Variants in DCDC2 observed in about 807,000 individuals in gnomAD.
DCDC2 encodes doublecortin domain containing 2.
Under a neutral mutation model 50.2 loss-of-function variants are expected in DCDC2, and 40 were observed. The ratio of observed to expected loss-of-function variants is 0.80; its 90% CI spans 0.62 to 1.04. The LOEUF (loss-of-function observed/expected upper bound fraction) is 1.04, where lower values mean the gene tolerates loss of function less well. Among genes scored for constraint, DCDC2 ranks in the 50% least tolerant of loss-of-function variants. The pLI is 0.00. For missense variants in DCDC2, 570 were observed against 581.9 expected, an observed-to-expected ratio of 0.98 and a Z score of 0.21; for synonymous variants, 234 against 210.6, an observed-to-expected ratio of 1.11 and a Z score of -0.96.
intron 7 of DCDC2, among the ~76,000 whole-genome samples, chr6:24,271,038 A>G (rs945301135): frequency 2.0e-5 from 3 of 151,836 alleles, no homozygotes; most frequent in Non-Finnish European, 4.4e-5. Context: ...CCTGGGCAAC[A>G]TGGTGAAACC....
At chr6:24,249,017 T>C (rs2113797436) in intron 7 of DCDC2, among the ~76,000 whole-genome samples, 1 of 152,330 alleles carries the variant, frequency 6.6e-6, no homozygotes, top group South Asian at 2.1e-4. Flanking sequence ...GTTTTCTAAA[T>C]GAAATACCAA....
the DCDC2 span, among the ~76,000 whole-genome samples, chr6:24,382,009 A>AAGGCAGGAAGGC: frequency 6.0e-5 from 7 of 116,436 alleles, no homozygotes; most frequent in African/African-American, 2.5e-4. Context: ...GGAAGGAAGG[A>AAGGCAGGAAGGC]AGGCAGGCAA....
chr6:24,277,762 T>G (rs190358634), intron 7 of DCDC2, among the ~76,000 whole-genome samples: 1 of 152,022 alleles, frequency 6.6e-6, no homozygotes, highest in South Asian at 2.1e-4. Flanking sequence ...GTAAAAATAT[T>G]AATCAAGCAA....
chr6:24,280,088 A>G (rs1457096868), intron 6 of DCDC2, among the ~76,000 whole-genome samples: 1 of 152,240 alleles, frequency 6.6e-6, no homozygotes, highest in Non-Finnish European at 1.5e-5. Context: ...GAAAACTATT[A>G]TAACTGTTCA....
chr6:24,382,009 A>C, the DCDC2 span, among the ~76,000 whole-genome samples: 6,356 of 116,316 alleles, frequency 0.055, 225 homozygotes, highest in South Asian at 0.097. Flanking sequence ...GGAAGGAAGG[A>C]AGGCAGGCAA....
intron 8 of DCDC2, among the ~76,000 whole-genome samples, chr6:24,202,063 G>T (rs537396540): frequency 1.3e-5 from 2 of 151,916 alleles, no homozygotes; most frequent in East Asian, 3.9e-4. Flanking sequence ...CATATAAAAA[G>T]GAGCTGGTAC....
chr6:24,310,698 C>T (rs1759555460), intron 2 of DCDC2, among the ~76,000 whole-genome samples: 1 of 152,178 alleles, frequency 6.6e-6, no homozygotes, highest in African/African-American at 2.4e-5. Context: ...TAATGCTTTT[C>T]ATTAAAACTA....
chr6:24,242,150 G>C (rs1007441442), intron 7 of DCDC2, among the ~76,000 whole-genome samples: 25 of 152,126 alleles, frequency 1.6e-4, no homozygotes, highest in Non-Finnish European at 1.2e-4. Context: ...CTCCAGCCTA[G>C]GTGACAGAGT....
chr6:24,343,412 T>C (rs986005202), intron 2 of DCDC2, among the ~76,000 whole-genome samples: 4 of 152,196 alleles, frequency 2.6e-5, no homozygotes, highest in Admixed American at 6.5e-5. Context: ...TTGAATACAA[T>C]TTATTTGTCT....
At position 24,205,150 on chromosome 6, in the gene DCDC2, G is replaced by A. The variant is rs751120188; in HGVS notation, c.923-48C>T. ...AAAATCAAAATCCAATTGTGACATC[G>A]TGTGGCTGAATGCTGGAATTACAAT... is the stretch of plus-strand genomic sequence containing the variant. On this transcript the variant is annotated intron_variant, in intron 7 of 9. Transcript: ENST00000378454. 6.8e-6 allele frequency: 11 copies of A among 1,614,014 alleles called. No homozygotes were observed. In the Admixed American group the frequency reaches 1.0e-4, roughly 15 times the overall value.
At chr6:24,300,341 C>G (rs529628762) in intron 4 of DCDC2, among the ~76,000 whole-genome samples, 4 of 152,234 alleles carry the variant, frequency 2.6e-5, no homozygotes, top group African/African-American at 9.6e-5. Context: ...GAGATCACAC[C>G]ATTGCACTCC....
chr6:24,186,743 G>C (rs763500027), intron 8 of DCDC2, among the ~76,000 whole-genome samples: 6 of 152,172 alleles, frequency 3.9e-5, no homozygotes, highest in Non-Finnish European at 5.9e-5. Context: ...TTATCCATCT[G>C]TTAAGCAGCA....
At chr6:24,321,384 C>G (rs1759771471) in intron 2 of DCDC2, among the ~76,000 whole-genome samples, 1 of 152,142 alleles carries the variant, frequency 6.6e-6, no homozygotes, top group Non-Finnish European at 1.5e-5. Context: ...ATAATGGTAA[C>G]TTTACAGTGG....
In DCDC2 at chr6:24,336,727, TA is replaced by T. The variant is rs1760063119; in HGVS notation, c.348+16841del. Among the ~76,000 whole-genome samples the T allele has an allele frequency of 2.6e-5, 4 of 152,044 alleles. No homozygotes were observed. In the South Asian group the frequency reaches 8.3e-4, roughly 32 times the overall value. Reference sequence around the variant, plus strand: ...GTCAGTGATCCCTGCCTTTTTTTTTTATTTTTTTTTCCAAATACCCAGTCTT... The same window carrying T: ...GTCAGTGATCCCTGCCTTTTTTTTTTTTTTTTTTTCCAAATACCCAGTCTT... On this transcript the variant is annotated intron_variant, in intron 2 of 9. Coordinates refer to ENST00000378454, the MANE Select transcript of DCDC2 (RefSeq NM_016356.5).
chr6:24,362,505 ATTATT>A (rs200705189), upstream of DCDC2, among the ~76,000 whole-genome samples: 72 of 95,652 alleles, frequency 7.5e-4, no homozygotes, highest in Admixed American at 1.4e-3. Context: ...TATTTATACA[ATTATT>A]TTTTATTTAA....
At chr6:24,188,635 G>A (rs896675314) in intron 8 of DCDC2, among the ~76,000 whole-genome samples, 1 of 152,074 alleles carries the variant, frequency 6.6e-6, no homozygotes, top group African/African-American at 2.4e-5. Flanking sequence ...AAATTTTTAA[G>A]AGAACCTGTT....
chr6:24,322,831 T>C (rs1196414918), intron 2 of DCDC2, among the ~76,000 whole-genome samples: 2 of 152,180 alleles, frequency 1.3e-5, no homozygotes, highest in Admixed American at 6.6e-5. Context: ...CTTCCTAAGA[T>C]ATATAAAACC....
chr6:24,383,142 C>T, the DCDC2 span, among the ~76,000 whole-genome samples: 2 of 152,022 alleles, frequency 1.3e-5, no homozygotes, highest in Non-Finnish European at 1.5e-5. Flanking sequence ...GCCTGACCAA[C>T]ATGGAGAAAC....
At chr6:24,214,981 A>G (rs76267711) in intron 7 of DCDC2, among the ~76,000 whole-genome samples, 9 of 152,356 alleles carry the variant, frequency 5.9e-5, no homozygotes, top group African/African-American at 2.2e-4. Context: ...CCAGCCACAG[A>G]AAGATGAACA....
Sources: allele counts gnomAD v4.1 joint callset (sites outside exome capture counted in the v4.1 genomes callset), GRCh38; gene constraint gnomAD v4.1.1; transcripts MANE v1.5; gene names NCBI Gene and HGNC (gene_info 2026-07-23, HGNC 2026-07-21).